ASNS: variants seen among roughly 807,000 people sequenced by gnomAD.
ASNS encodes the protein asparagine synthetase (glutamine-hydrolyzing), also known as asparagine synthetase [glutamine-hydrolyzing].
A neutral mutation model predicts 62.6 loss-of-function variants in ASNS; 37 were observed. The ratio of observed to expected loss-of-function variants is 0.59; its 90% CI spans 0.45 to 0.78. The LOEUF (loss-of-function observed/expected upper bound fraction) is 0.78. Ranked by LOEUF, ASNS falls within the 30% of genes least tolerant of loss-of-function variation. The pLI, the probability that ASNS is intolerant of heterozygous loss-of-function variation, is 0.00. For missense variants in ASNS, 520 were observed against 682.4 expected (o/e 0.76, Z 2.65); for synonymous variants, 207 against 237.9 (o/e 0.87, Z 1.19).
chr7:97,922,912 C>T, the ASNS span, among the ~76,000 whole-genome samples: 3 of 152,138 alleles, frequency 2.0e-5, no homozygotes, highest in African/African-American at 4.8e-5. Context: ...CTGCCTCAGC[C>T]TCCCAAGCAG....
At chr7:97,871,758 G>A (rs912892799) in intron 1 of ASNS, 3 of 152,214 alleles carry the variant, frequency 2.0e-5, no homozygotes, top group African/African-American at 7.2e-5. Context: ...CACTTGATGA[G>A]TCTTGCAGTC....
chr7:97,896,741 C>CAG, the ASNS span, among the ~76,000 whole-genome samples: 5 of 19,782 alleles, frequency 2.5e-4, no homozygotes, highest in South Asian at 3.8e-3. Flanking sequence ...CACACACACA[C>CAG]ATATATATAT....
the ASNS span, among the ~76,000 whole-genome samples, chr7:97,927,048 C>G: frequency 7.2e-6 from 1 of 138,162 alleles, no homozygotes; most frequent in Non-Finnish European, 1.5e-5. Flanking sequence ...CTTGGGACTA[C>G]AGGCACACAC....
At chr7:97,928,370 G>A in the ASNS span, 1 of 871,368 alleles carries the variant, frequency 1.1e-6, no homozygotes, top group Non-Finnish European at 1.7e-6. Context: ...CGGAGCTGGG[G>A]CGTCTGAGCG....
At chr7:97,895,146 A>G in the ASNS span, among the ~76,000 whole-genome samples, 1 of 152,274 alleles carries the variant, frequency 6.6e-6, no homozygotes, top group Non-Finnish European at 1.5e-5. Flanking sequence ...GCAGATGCAG[A>G]AAAATCACTC....
chr7:97,859,170 C>T, intron 5 of ASNS, 43 bp downstream of exon 5: 1 of 1,552,786 alleles, frequency 6.4e-7, no homozygotes, highest in Non-Finnish European at 8.7e-7. Context: ...AAATTTTTTT[C>T]CCTTGGAGAA....
intron 8 of ASNS, among the ~76,000 whole-genome samples, 158 bp downstream of exon 8, chr7:97,856,532 T>C (rs183394824): frequency 6.6e-6 from 1 of 152,332 alleles, no homozygotes. Flanking sequence ...ATTCAGAGAA[T>C]TCTTAAGTGG....
At chr7:97,918,062 G>A in the ASNS span, among the ~76,000 whole-genome samples, 1 of 152,210 alleles carries the variant, frequency 6.6e-6, no homozygotes, top group African/African-American at 2.4e-5. Context: ...GTCTGCCAGA[G>A]CTCAGAAGCC....
At chr7:97,906,862 A>G in the ASNS span, 1 of 151,954 alleles carries the variant, frequency 6.6e-6, no homozygotes, top group Admixed American at 6.6e-5. Flanking sequence ...AAGTCAGGAG[A>G]AGATTGATAT....
At chr7:97,883,720 G>A in the ASNS span, among the ~76,000 whole-genome samples, 1 of 152,190 alleles carries the variant, frequency 6.6e-6, no homozygotes, top group African/African-American at 2.4e-5. Context: ...GGGCGCGGTG[G>A]CTCACGCCTG....
intron 4 of ASNS, among the ~76,000 whole-genome samples, chr7:97,861,729 A>G (rs759437584): frequency 3.3e-5 from 5 of 152,220 alleles, no homozygotes; most frequent in Non-Finnish European, 5.9e-5. Flanking sequence ...ATAGGGATCA[A>G]GTTAAATCTG....
intron 1 of ASNS, among the ~76,000 whole-genome samples, chr7:97,871,404 A>G (rs1459706955): frequency 6.6e-6 from 1 of 152,144 alleles, no homozygotes; most frequent in Non-Finnish European, 1.5e-5. Context: ...CTTTACTTTT[A>G]TATTAAGATC....
At chr7:97,864,624 A>C in intron 3 of ASNS, 128 bp from the exon 4 acceptor site, 1 of 685,174 alleles carries the variant, frequency 1.5e-6, no homozygotes, top group Middle Eastern at 3.2e-4. Context: ...ATTTAGGAGA[A>C]TCACAGCATT....
chr7:97,873,674 A>G (rs1255168706), upstream of ASNS, among the ~76,000 whole-genome samples: 1 of 152,246 alleles, frequency 6.6e-6, no homozygotes, highest in Non-Finnish European at 1.5e-5. Flanking sequence ...ATCCAAACAC[A>G]GCTTCACAAC....
the ASNS span, among the ~76,000 whole-genome samples, chr7:97,923,787 C>T: frequency 6.6e-6 from 1 of 152,190 alleles, no homozygotes; most frequent in Non-Finnish European, 1.5e-5. Flanking sequence ...CCATTCACCT[C>T]CAGTACCTGA....
At position 97,858,857 on chromosome 7, in the gene ASNS, A is replaced by C; in HGVS notation, c.772T>G (p.Ser258Ala). ...AGGTTTTTTTAATTGACTTCACCTGATAAAAGGCAGCCAATCCTTCTGTCT... is the reference window on the plus strand; with the variant it reads ...AGGTTTTTTTAATTGACTTCACCTGCTAAAAGGCAGCCAATCCTTCTGTCT... Reference protein sequence around the residue: ...MTDRRIGCLLSGGLDSSLVAA... With the variant: ...MTDRRIGCLLAGGLDSSLVAA... Residue 258 changes from serine (S) to alanine (A), a missense_variant, in exon 6 of 13, where the codon TCA becomes GCA. Ser to Ala is a moderately conservative substitution (Grantham distance 99). Coordinates refer to ENST00000394308, the MANE Select transcript of ASNS (RefSeq NM_001673.5). The C allele has an allele frequency of 6.2e-7, 1 of 1,610,912 alleles. No homozygotes were observed. The highest frequency in any genetic ancestry group is 8.5e-7 in the Non-Finnish European group (1 of 1,179,242).
At chr7:97,886,831 G>A in the ASNS span, among the ~76,000 whole-genome samples, 3 of 152,072 alleles carry the variant, frequency 2.0e-5, no homozygotes, top group African/African-American at 7.2e-5. Flanking sequence ...ATTCACTTTA[G>A]AAGGGCAAAG....
the ASNS span, among the ~76,000 whole-genome samples, chr7:97,925,465 T>C: frequency 2.0e-5 from 3 of 152,104 alleles, no homozygotes; most frequent in East Asian, 5.8e-4. Flanking sequence ...GGGGTAGCCA[T>C]AGCTGGGAGG....
chr7:97,889,943 A>AG, the ASNS span, among the ~76,000 whole-genome samples: 1 of 149,496 alleles, frequency 6.7e-6, no homozygotes, highest in Admixed American at 6.7e-5. Context: ...AAAAAAAAAA[A>AG]AAAAAAAACC....
Sources: gnomAD v4.1 joint callset for allele counts (sites outside exome capture counted in the v4.1 genomes callset) on GRCh38, gnomAD v4.1.1 for gene constraint, MANE v1.5 for transcripts, NCBI Gene and HGNC (gene_info 2026-07-23, HGNC 2026-07-21) for gene names.